The following SPAG17 variants were observed in gnomAD, a reference collection of about 807,000 sequenced individuals.
SPAG17 encodes the protein sperm-associated antigen 17.
In SPAG17, 169 loss-of-function variants were observed where a neutral mutation model predicts 273.6. The observed-to-expected ratio is 0.62, with a 90% CI of 0.55 to 0.70. SPAG17 has a LOEUF of 0.70. Ranked by LOEUF, SPAG17 falls within the 30% of genes least tolerant of loss-of-function variation. The probability of loss-of-function intolerance (pLI) is 0.00; values close to 1 mark genes in which losing one functional copy is unlikely to be tolerated. For synonymous variants in SPAG17, 825 were observed against 873.2 expected (o/e 0.94, Z 0.97); for missense variants, 2,557 against 2,627.8 (o/e 0.97, Z 0.59).
intron 15 of SPAG17, among the ~76,000 whole-genome samples, chr1:118,078,005 T>C (rs190573115): frequency 3.5e-4 from 53 of 152,322 alleles, no homozygotes; most frequent in Non-Finnish European, 6.2e-4. Context: ...ATCTGTAGAA[T>C]TGGGATATTG....
intron 17 of SPAG17, among the ~76,000 whole-genome samples, chr1:118,071,823 C>T (rs974915159): frequency 2.0e-5 from 3 of 151,970 alleles, no homozygotes; most frequent in Admixed American, 2.0e-4. Context: ...AGGGAAATTG[C>T]AGGTTCAGTC....
At chr1:118,040,551 G>T (rs906363601) in intron 22 of SPAG17, among the ~76,000 whole-genome samples, 179 bp downstream of exon 22, 1 of 152,164 alleles carries the variant, frequency 6.6e-6, no homozygotes, top group Non-Finnish European at 1.5e-5. Context: ...CCTATGCCTT[G>T]TAGAGTCAAT....
At chr1:118,111,262 T>TC in intron 4 of SPAG17, among the ~76,000 whole-genome samples, 1 of 152,236 alleles carries the variant, frequency 6.6e-6, no homozygotes, top group South Asian at 2.1e-4. Context: ...GGATAAGCCA[T>TC]CTGGGGGGGT....
At chr1:118,141,831 G>A (rs1031718520) in intron 3 of SPAG17, among the ~76,000 whole-genome samples, 1 of 152,164 alleles carries the variant, frequency 6.6e-6, no homozygotes, top group Non-Finnish European at 1.5e-5. Flanking sequence ...TTCTTAAGGT[G>A]TTCCGTCATA....
chr1:118,082,292 C>G (rs548924394), intron 13 of SPAG17, among the ~76,000 whole-genome samples: 1 of 152,250 alleles, frequency 6.6e-6, no homozygotes, highest in Non-Finnish European at 1.5e-5. Flanking sequence ...AGATTTGGCT[C>G]TTACACTTTA....
chr1:118,117,187 T>C (rs1226427084), intron 3 of SPAG17, among the ~76,000 whole-genome samples: 8 of 152,270 alleles, frequency 5.3e-5, no homozygotes, highest in African/African-American at 9.6e-5. Flanking sequence ...CAGTCTAGTG[T>C]TTCCCTCTAA....
intron 18 of SPAG17, among the ~76,000 whole-genome samples, chr1:118,062,552 A>T (rs904525658): frequency 6.6e-6 from 1 of 152,022 alleles, no homozygotes; most frequent in East Asian, 1.9e-4. Flanking sequence ...TAAGGATAAA[A>T]GGTTCATCAG....
chr1:118,041,478 A>C (rs1274813061), intron 21 of SPAG17, among the ~76,000 whole-genome samples: 1 of 152,030 alleles, frequency 6.6e-6, no homozygotes, highest in Non-Finnish European at 1.5e-5. Context: ...TCATCATCTG[A>C]GACAGATAAA....
intron 22 of SPAG17, 118 bp from the exon 23 acceptor site, chr1:118,039,562 G>T (rs1332220170): frequency 4.0e-6 from 4 of 998,192 alleles, no homozygotes; most frequent in Non-Finnish European, 6.1e-6. Flanking sequence ...ACCAAACACT[G>T]CATGTTCTCA....
chr1:118,086,077 T>A lies in SPAG17; in HGVS notation c.1612-5A>T, dbSNP rs757410817. 1 of 1,613,048 alleles carries A rather than the reference T, an allele frequency of 6.2e-7. No individual in the cohort carries two copies. The highest frequency in any genetic ancestry group is 8.5e-7 in the Non-Finnish European group (1 of 1,179,718). On this transcript the variant is annotated splice_region_variant and splice_polypyrimidine_tract_variant and intron_variant, in intron 12 of 48. Transcript: ENST00000336338. ...TGGATCAAAATTCTTTTGGTCCTGATGAAAAAGAGCAACATGACAGAAGAC... is the reference window on the plus strand; with the variant it reads ...TGGATCAAAATTCTTTTGGTCCTGAAGAAAAAGAGCAACATGACAGAAGAC...
At chr1:118,027,902 A>C (rs113960103) in intron 26 of SPAG17, among the ~76,000 whole-genome samples, 51 of 152,288 alleles carry the variant, frequency 3.3e-4, no homozygotes, top group African/African-American at 1.2e-3. Context: ...CCCTCTGTAG[A>C]GGCAAGAACA....
intron 1 of SPAG17, among the ~76,000 whole-genome samples, chr1:118,173,009 C>T (rs551680162): frequency 6.6e-6 from 1 of 152,018 alleles, no homozygotes; most frequent in South Asian, 2.1e-4. Context: ...GCTTCACCTC[C>T]CATATGATAG....
Position 118,031,857 on chromosome 1 carries a change from A to T in SPAG17, c.3444T>A (p.Asp1148Glu), listed in dbSNP as rs746996809. ...TATTCAATATTGTTTCTAAATCAGG[A>T]TCCTTATCTTCTATAAGCAGAAAAA... ...GSNGMAPEDK[D>E]PDLETILNIP... Residue 1148 changes from aspartate (D) to glutamate (E), a missense_variant, in exon 25 of 49, where the codon GAT (aspartate) becomes GAA (glutamate). Coordinates refer to ENST00000336338, the MANE Select transcript of SPAG17 (RefSeq NM_206996.4). 4.0e-5 allele frequency: 64 copies of T among 1,596,172 alleles called. No individual in the cohort carries two copies. Among genetic ancestry groups the T allele is most frequent in the Non-Finnish European group, 5.3e-5 (62 of 1,171,516 alleles).
chr1:118,030,826 T>C (rs547517879), intron 25 of SPAG17, among the ~76,000 whole-genome samples: 2 of 152,346 alleles, frequency 1.3e-5, no homozygotes, highest in East Asian at 1.9e-4. Context: ...CACATTTTCT[T>C]TATTCAGTCT....
intron 1 of SPAG17, among the ~76,000 whole-genome samples, chr1:118,176,469 G>A (rs2102403376): frequency 6.6e-6 from 1 of 151,982 alleles, no homozygotes; most frequent in East Asian, 1.9e-4. Context: ...AGACAAACAA[G>A]GTCACTAAAT....
At chr1:117,966,780 C>T in intron 46 of SPAG17, 27 bp from the exon 47 acceptor site, 1 of 1,571,114 alleles carries the variant, frequency 6.4e-7, no homozygotes, top group Non-Finnish European at 8.6e-7. Flanking sequence ...AGCTTTAGGA[C>T]CAGACAACTC....
chr1:118,083,598 A>C (rs1654763626), intron 13 of SPAG17, among the ~76,000 whole-genome samples: 1 of 152,140 alleles, frequency 6.6e-6, no homozygotes, highest in African/African-American at 2.4e-5. Context: ...CAGCCTGACC[A>C]ACATGGTGAA....
chr1:118,132,456 T>C (rs1658105229), intron 3 of SPAG17, among the ~76,000 whole-genome samples: 1 of 152,222 alleles, frequency 6.6e-6, no homozygotes, highest in Non-Finnish European at 1.5e-5. Flanking sequence ...AATCTCTTTA[T>C]GAATTTAGGC....
At chr1:118,009,075 G>A (rs1659196890) in intron 30 of SPAG17, among the ~76,000 whole-genome samples, 1 of 152,070 alleles carries the variant, frequency 6.6e-6, no homozygotes, top group African/African-American at 2.4e-5. Flanking sequence ...AATATGATAT[G>A]CATGATTTTG....
Sources: gnomAD v4.1 joint callset for allele counts (sites outside exome capture counted in the v4.1 genomes callset) on GRCh38, gnomAD v4.1.1 for gene constraint, MANE v1.5 for transcripts, NCBI Gene and HGNC (gene_info 2026-07-23, HGNC 2026-07-21) for gene names.